The following MYO3A variants were observed in gnomAD, a reference collection of about 807,000 sequenced individuals.
MYO3A encodes the protein myosin IIIA, also known as myosin-IIIa.
In MYO3A, 180 loss-of-function variants were observed where a neutral mutation model predicts 192.7. That is an observed-to-expected ratio of 0.93 (90% confidence interval 0.83 to 1.06). MYO3A has a LOEUF of 1.06. MYO3A is among the 50% of genes least tolerant of loss of function. The pLI is 0.00. For missense variants in MYO3A, 1,896 were observed against 1,905.0 expected (o/e 1.00, Z 0.09); for synonymous variants, 628 against 645.3 (o/e 0.97, Z 0.41).
At chr10:26,160,004 A>G (rs1029248226) in intron 26 of MYO3A, among the ~76,000 whole-genome samples, 1 of 152,076 alleles carries the variant, frequency 6.6e-6, no homozygotes, top group Non-Finnish European at 1.5e-5. Flanking sequence ...CAAAAATACT[A>G]GATACAAAGG....
At chr10:26,173,597 A>G (rs1343530140) in intron 29 of MYO3A, 66 bp from the exon 30 acceptor site, 6 of 1,433,218 alleles carry the variant, frequency 4.2e-6, no homozygotes, top group Non-Finnish European at 5.8e-6. Flanking sequence ...GCATATAACT[A>G]TTGCCAATAG....
chr10:26,128,812 T>C (rs1839374559), intron 20 of MYO3A, among the ~76,000 whole-genome samples: 3 of 152,228 alleles, frequency 2.0e-5, no homozygotes, highest in Admixed American at 2.0e-4. Flanking sequence ...TAAACGAAGA[T>C]ATTTCCTTTG....
intron 7 of MYO3A, among the ~76,000 whole-genome samples, chr10:26,018,565 T>A (rs1842105013): frequency 6.6e-6 from 1 of 152,202 alleles, no homozygotes; most frequent in Non-Finnish European, 1.5e-5. Context: ...TTGATTGGCA[T>A]GTTTAAATTA....
chr10:26,178,818 T>C (rs139159361), intron 31 of MYO3A, among the ~76,000 whole-genome samples: 9,218 of 151,504 alleles, frequency 0.061, 365 homozygotes, highest in Non-Finnish European at 0.088. Context: ...TTATTTATTT[T>C]TGAGACAGAG....
intron 4 of MYO3A, among the ~76,000 whole-genome samples, chr10:25,966,855 T>A (rs1263809226): frequency 6.6e-6 from 1 of 152,180 alleles, no homozygotes; most frequent in Non-Finnish European, 1.5e-5. Context: ...TGTTGTACCA[T>A]AAACAACGAG....
intron 23 of MYO3A, among the ~76,000 whole-genome samples, chr10:26,150,009 C>A (rs1396440709): frequency 6.7e-6 from 1 of 149,286 alleles, no homozygotes; most frequent in Non-Finnish European, 1.5e-5. Flanking sequence ...CCTTCAGGTT[C>A]AACCATGTTG....
In MYO3A at chr10:26,144,242, G is replaced by GA. The variant is rs950418669; in HGVS notation, c.2416+650dup. Among the ~76,000 whole-genome samples, 397 of 150,346 alleles carry GA rather than the reference G, an allele frequency of 2.6e-3. 1 individual carries two copies. The highest frequency in any genetic ancestry group is 9.2e-3 in the African/African-American group (375 of 40,956). Reference sequence around the variant, plus strand: ...AAAAAACTAGATTTTTCAGATATCTGAAAAAAAAATGTTTTTAAACGCAGA... The same window carrying GA: ...AAAAAACTAGATTTTTCAGATATCTGAAAAAAAAAATGTTTTTAAACGCAGA... On this transcript the variant is annotated intron_variant, in intron 21 of 34. Coordinates refer to ENST00000642920, the MANE Select transcript of MYO3A (RefSeq NM_017433.5).
At chr10:26,063,162 A>C (rs1341303673) in intron 10 of MYO3A, among the ~76,000 whole-genome samples, 1 of 152,194 alleles carries the variant, frequency 6.6e-6, no homozygotes, top group Non-Finnish European at 1.5e-5. Context: ...GGAGCTGAAG[A>C]GAAGTCAATG....
intron 14 of MYO3A, among the ~76,000 whole-genome samples, chr10:26,086,921 T>C (rs898279762): frequency 7.2e-5 from 11 of 152,206 alleles, no homozygotes; most frequent in African/African-American, 2.7e-4. Context: ...GTTCTGTAGA[T>C]GTCAGCAAAC....
At chr10:26,009,079 G>A (rs968820197) in intron 6 of MYO3A, among the ~76,000 whole-genome samples, 2 of 151,930 alleles carry the variant, frequency 1.3e-5, no homozygotes, top group African/African-American at 4.8e-5. Context: ...CCTTTTTAGG[G>A]ACGTGGATGA....
rs923233531 is a variant in MYO3A, at chr10:26,176,807, C to T, written c.4400C>T (p.Pro1467Leu). ...SLYLGVSHHK[P>L]INRRVSSQQC... ...TATCTGGGTGTCTCGCACCATAAGC[C>T]AATTAATAGACGAGTTTCTTCTCAG... is the stretch of plus-strand genomic sequence containing the variant. Residue 1467 changes from proline to leucine, a missense_variant, in exon 31 of 35, where the codon CCA (proline) becomes CTA (leucine). Physicochemically the swap from Pro to Leu is moderately conservative, Grantham distance 98. Coordinates refer to ENST00000642920, the MANE Select transcript of MYO3A (RefSeq NM_017433.5). 6.2e-7 allele frequency: 1 copy of T among 1,614,046 alleles called. No individual in the cohort carries two copies. The highest frequency in any genetic ancestry group is 2.2e-5 in the East Asian group (1 of 44,870).
intron 26 of MYO3A, among the ~76,000 whole-genome samples, chr10:26,161,222 G>T (rs528776401): frequency 6.6e-6 from 1 of 152,284 alleles, no homozygotes; most frequent in African/African-American, 2.4e-5. Context: ...TTCTATGGGG[G>T]TGTAAATAGA....
rs185540225 is a variant in MYO3A, at chr10:26,140,697, A to G, written c.2263-2751A>G. Among the ~76,000 whole-genome samples the G allele has an allele frequency of 1.4e-3, 206 of 151,934 alleles. 3 individuals are homozygous for G. The highest frequency in any genetic ancestry group is 4.3e-3 in the African/African-American group (177 of 41,486). The stretch of plus-strand genomic sequence containing the variant: ...GAGACTCTGTCTCAAAAAAAAAAAA[A>G]AAGAAGAAGAAAAACAAGGGACAAC... On this transcript the variant is annotated intron_variant, in intron 20 of 34. Transcript: ENST00000642920.
chr10:25,946,619 C>T (rs1836847789), intron 2 of MYO3A, among the ~76,000 whole-genome samples: 1 of 151,114 alleles, frequency 6.6e-6, no homozygotes, highest in African/African-American at 2.4e-5. Flanking sequence ...GTGGCTCACA[C>T]CGGTAATCCC....
intron 9 of MYO3A, 88 bp downstream of exon 9, chr10:26,024,175 G>T: frequency 8.1e-7 from 1 of 1,239,704 alleles, no homozygotes. Context: ...CTGTTAAACA[G>T]CCCCAGAGAT....
intron 34 of MYO3A, among the ~76,000 whole-genome samples, chr10:26,205,754 C>CT (rs1321521910): frequency 6.6e-6 from 1 of 150,574 alleles, no homozygotes; most frequent in Non-Finnish European, 1.5e-5. Context: ...GTAGCTGGGA[C>CT]TACAGGCACC....
Position 26,125,462 on chromosome 10 carries a change from C to A in MYO3A, c.1968C>A (p.Val656=). ...LQEALTSHCV[V]TRGETIIRPN... ...AAGCTCTCACCTCCCACTGTGTGGT[C>A]ACTAGAGGAGAAACAATTATACGAC... Residue 656 remains valine, a synonymous_variant, in exon 19 of 35, where the codon GTC becomes GTA. Transcript: ENST00000642920. The A allele has an allele frequency of 6.2e-7, 1 of 1,613,986 alleles. No homozygotes were observed. Among genetic ancestry groups the A allele is most frequent in the South Asian group, 1.1e-5 (1 of 91,052 alleles).
chr10:26,128,601 A>G, intron 20 of MYO3A, 63 bp downstream of exon 20: 2 of 1,501,610 alleles, frequency 1.3e-6, no homozygotes, highest in South Asian at 2.3e-5. Flanking sequence ...ACTTGTACAA[A>G]TGAAGCAGGA....
chr10:26,183,650 G>C (rs951458536), intron 31 of MYO3A, among the ~76,000 whole-genome samples: 1 of 152,178 alleles, frequency 6.6e-6, no homozygotes, highest in African/African-American at 2.4e-5. Context: ...CTATAGGATG[G>C]GTAGAGGTGG....
Sources: allele counts gnomAD v4.1 joint callset (sites outside exome capture counted in the v4.1 genomes callset), GRCh38; gene constraint gnomAD v4.1.1; transcripts MANE v1.5; gene names NCBI Gene and HGNC (gene_info 2026-07-23, HGNC 2026-07-21).